ZNF479: variants seen among roughly 807,000 people sequenced by gnomAD.
ZNF479 encodes KRAB zinc finger protein KR19.
A neutral mutation model predicts 14.7 loss-of-function variants in ZNF479; 15 were observed. That is an observed-to-expected ratio of 1.02 (90% CI 0.68 to 1.57). The LOEUF (loss-of-function observed/expected upper bound fraction) is 1.57. Among genes scored for constraint, ZNF479 ranks in the 40% most tolerant of loss-of-function variants. The pLI is 0.00. For synonymous variants in ZNF479, 145 were observed against 211.5 expected (o/e 0.69, Z 2.73); for missense variants, 506 against 615.1 (o/e 0.82, Z 1.88).
Position 57,120,484 on chromosome 7 carries a change from T to C in ZNF479, c.931A>G (p.Thr311Ala), listed in dbSNP as rs782153578. The C allele has an allele frequency of 3.7e-6, 6 of 1,610,610 alleles. No individual in the cohort carries two copies. The Admixed American group carries it at 6.7e-5, about 18-fold the overall frequency. The part of the protein sequence containing the change: ...ECGKAFSVSS[T>A]LTDHKRIHTG... ...TGAATTCTCTTGTGGTCAGTGAGGG[T>C]TGAGGATACGCTAAAGGCTTTGCCA... The change falls in exon 4 of 4, where the codon ACC becomes GCC. Residue 311 changes from threonine (T) to alanine (A), a missense_variant. Coordinates refer to ENST00000319636, the MANE Select transcript of ZNF479 (RefSeq NM_001370129.2).
At chr7:57,121,216 T>C (rs1785932558) in intron 3 of ZNF479, 64 bp from the exon 4 acceptor site, 1 of 1,605,328 alleles carries the variant, frequency 6.2e-7, no homozygotes, top group African/African-American at 1.3e-5. Flanking sequence ...ATTCTACACA[T>C]GAAATATATA....
rs549364419 is a variant in ZNF479, at chr7:57,119,973, A to C, written c.1442T>G (p.Met481Arg). Reference protein sequence around the residue: ...GKAFNCSSTLMQHKRIHTGEK... With the variant: ...GKAFNCSSTLRQHKRIHTGEK... ...TCCAGTATGAATTCTCTTATGTTGC[A>C]TAAGGGTTGAGGAGCAATTAAAGGC... The change falls in exon 4 of 4, where the codon ATG becomes AGG. Residue 481 changes from methionine to arginine, a missense_variant. By Grantham distance (91) the Met-to-Arg change is moderately conservative. Coordinates refer to ENST00000319636, the MANE Select transcript of ZNF479 (RefSeq NM_001370129.2). The C allele has an allele frequency of 3.7e-6, 6 of 1,613,142 alleles. No homozygotes were observed. The highest frequency in any genetic ancestry group is 5.1e-6 in the Non-Finnish European group (6 of 1,179,654).
chr7:57,128,189 TC>T (rs1443393592), intron 1 of ZNF479, among the ~76,000 whole-genome samples: 6 of 152,294 alleles, frequency 3.9e-5, no homozygotes, highest in Middle Eastern at 3.4e-3. Flanking sequence ...TCCACCTGCC[TC>T]GGCCTCCCAA....
At chr7:57,133,215 C>T (rs1020037070), upstream of ZNF479, among the ~76,000 whole-genome samples, 1 of 152,122 alleles carries the variant, frequency 6.6e-6, no homozygotes, top group African/African-American at 2.4e-5. Context: ...GGATTATCCT[C>T]ATGCTGTTCT....
In ZNF479 at chr7:57,118,644, A is replaced by C. The variant is rs557689918; in HGVS notation, c.*1196T>G. Among the ~76,000 whole-genome samples, 2 of 152,326 alleles carry C rather than the reference A, an allele frequency of 1.3e-5. No homozygotes were observed. The highest frequency in any genetic ancestry group is 4.8e-5 in the African/African-American group (2 of 41,584). On this transcript the variant is annotated 3_prime_UTR_variant, in exon 4 of 4. Transcript: ENST00000319636. The stretch of plus-strand genomic sequence containing the variant: ...CTTGGTCTCCCAAAGTGCTGGAATT[A>C]TAGGCATGAGCCAACACACCTGACC...
At chr7:57,121,853 TG>T (rs1377049684) in intron 3 of ZNF479, among the ~76,000 whole-genome samples, 2 of 152,072 alleles carry the variant, frequency 1.3e-5, no homozygotes, top group African/African-American at 4.8e-5. Context: ...AAAACAAAGA[TG>T]TAGATCTTGA....
intron 3 of ZNF479, among the ~76,000 whole-genome samples, chr7:57,124,462 AT>A (rs1159671294): frequency 6.6e-6 from 1 of 152,224 alleles, no homozygotes; most frequent in East Asian, 1.9e-4. Flanking sequence ...TACAAAAAAT[AT>A]TTTAAACAAA....
chr7:57,127,021 T>C lies in ZNF479; in HGVS notation c.40-303A>G, dbSNP rs1206624804. On this transcript the variant is annotated intron_variant, in intron 1 of 3. Transcript: ENST00000319636. ...CTTTTTCTTTTCTGTTTTTCTTTTT[T>C]TTTTCTTTTTTTTTTTTTTGAGACC... Among the ~76,000 whole-genome samples, 24 of 134,070 alleles carry C rather than the reference T, an allele frequency of 1.8e-4. No homozygotes were observed. The East Asian group carries it at 4.2e-3, about 23-fold the overall frequency. 88.0% of individuals were successfully genotyped at this position (134,070 alleles called of 152,430 possible).
At chr7:57,132,775 C>A (rs1292007521), upstream of ZNF479, among the ~76,000 whole-genome samples, 2 of 152,092 alleles carry the variant, frequency 1.3e-5, no homozygotes, top group South Asian at 2.1e-4. Flanking sequence ...GATTTTATGA[C>A]CTTCCTTGCT....
intron 1 of ZNF479, among the ~76,000 whole-genome samples, chr7:57,127,821 G>C (rs1651423608): frequency 6.6e-6 from 1 of 151,688 alleles, no homozygotes; most frequent in South Asian, 2.1e-4. Context: ...AACTTTATTA[G>C]GACACATTTT....
At chr7:57,132,890 C>A (rs1786499133), upstream of ZNF479, among the ~76,000 whole-genome samples, 1 of 152,148 alleles carries the variant, frequency 6.6e-6, no homozygotes, top group African/African-American at 2.4e-5. Context: ...ATAATCCCAG[C>A]ACTTTGGGAG....
Position 57,119,955 on chromosome 7 carries a change from T to C in ZNF479, c.1460A>G (p.His487Arg). The C allele has an allele frequency of 2.5e-6, 4 of 1,614,040 alleles. No homozygotes were observed. Among genetic ancestry groups the C allele is most frequent in the Non-Finnish European group, 3.4e-6 (4 of 1,179,956 alleles). ...ACATTTGTAGGGTTTCTCTCCAGTA[T>C]GAATTCTCTTATGTTGCATAAGGGT... is the stretch of plus-strand genomic sequence containing the variant. ...SSTLMQHKRI[H>R]TGEKPYKCEE... Residue 487 changes from histidine (H) to arginine (R), a missense_variant, in exon 4 of 4, where the codon CAT becomes CGT. Physicochemically the swap from His to Arg is conservative, Grantham distance 29. Around this residue, in one of 3 missense-constraint regions of ZNF479, gnomAD observed 72 missense variants for 97.6 expected, o/e 0.74. Coordinates refer to ENST00000319636, the MANE Select transcript of ZNF479 (RefSeq NM_001370129.2).
Position 57,129,210 on chromosome 7 carries a change from C to A in ZNF479, c.40-2492G>T, listed in dbSNP as rs1786312385. The stretch of plus-strand genomic sequence containing the variant: ...CTCTTCCTACCAAACTGAAACAGGG[C>A]AGGCAGTGCAGCCTTCCTATGATGC... On this transcript the variant is annotated intron_variant, in intron 1 of 3. Transcript: ENST00000319636. Among the ~76,000 whole-genome samples, 3 of 152,266 alleles carry A rather than the reference C, an allele frequency of 2.0e-5. No homozygotes were observed. The South Asian group carries it at 6.2e-4, about 32-fold the overall frequency.
chr7:57,125,408 T>C (rs1162592463), intron 3 of ZNF479, among the ~76,000 whole-genome samples: 21 of 151,560 alleles, frequency 1.4e-4, no homozygotes, highest in Non-Finnish European at 2.9e-5. Context: ...TGAGTCTATA[T>C]CTAAAATATG....
chr7:57,131,185 T>C (rs1191160965), intron 1 of ZNF479, among the ~76,000 whole-genome samples: 1 of 151,988 alleles, frequency 6.6e-6, no homozygotes, highest in Non-Finnish European at 1.5e-5. Flanking sequence ...AGTGATAACA[T>C]AATCTGTACA....
chr7:57,132,573 C>CACTG, upstream of ZNF479, among the ~76,000 whole-genome samples: 1 of 152,274 alleles, frequency 6.6e-6, no homozygotes, highest in South Asian at 2.1e-4. Flanking sequence ...TTTGATCAGA[C>CACTG]ACTGGGCTGA....
chr7:57,126,538 C>T, intron 2 of ZNF479, 54 bp downstream of exon 2: 4 of 1,549,658 alleles, frequency 2.6e-6, no homozygotes, highest in Non-Finnish European at 2.6e-6. Flanking sequence ...CCAAAAACAT[C>T]TTAGAAAAGA....
upstream of ZNF479, among the ~76,000 whole-genome samples, chr7:57,132,534 C>T (rs1269919274): frequency 6.6e-6 from 1 of 152,124 alleles, no homozygotes; most frequent in South Asian, 2.1e-4. Context: ...GTTTCAGGCC[C>T]CACCCTTCAT....
At chr7:57,126,194 A>G (rs1002607852) in intron 2 of ZNF479, 81 bp from the exon 3 acceptor site, 11 of 1,409,454 alleles carry the variant, frequency 7.8e-6, no homozygotes, top group Admixed American at 4.7e-5. Flanking sequence ...TAGAGGATAT[A>G]ATAGAAAATT....
Sources: gnomAD v4.1 joint callset for allele counts (sites outside exome capture counted in the v4.1 genomes callset) on GRCh38, gnomAD v4.1.1 for gene constraint, gnomAD v4.1.1 regional missense constraint, MANE v1.5 for transcripts, NCBI Gene and HGNC (gene_info 2026-07-23, HGNC 2026-07-21) for gene names.